The following UNC5D variants were observed in gnomAD, a reference collection of about 807,000 sequenced individuals.
UNC5D encodes the protein netrin receptor UNC5D.
A neutral mutation model predicts 105.4 loss-of-function variants in UNC5D; 39 were observed. That is an observed-to-expected ratio of 0.37 (90% confidence interval 0.29 to 0.48). UNC5D has a LOEUF of 0.48. Ranked by LOEUF, UNC5D falls within the 20% of genes least tolerant of loss-of-function variation. The pLI is 0.98. For missense variants in UNC5D, 991 were observed against 1,202.4 expected (o/e 0.82, Z 2.60); for synonymous variants, 452 against 450.4 (o/e 1.00, Z -0.04).
intron 16 of UNC5D, among the ~76,000 whole-genome samples, chr8:35,787,802 G>C (rs976032772): frequency 4.6e-5 from 7 of 152,064 alleles, no homozygotes; most frequent in African/African-American, 1.7e-4. Context: ...TTATTTTTGT[G>C]GAGACAGAAG....
At chr8:35,586,600 A>G (rs1337875455) in intron 3 of UNC5D, among the ~76,000 whole-genome samples, 1 of 152,082 alleles carries the variant, frequency 6.6e-6, no homozygotes, top group African/African-American at 2.4e-5. Flanking sequence ...GTAAGTTACA[A>G]TTTTCTTTTA....
intron 1 of UNC5D, among the ~76,000 whole-genome samples, chr8:35,504,695 G>C (rs1165987307): frequency 1.3e-5 from 2 of 152,156 alleles, no homozygotes; most frequent in Non-Finnish European, 2.9e-5. Flanking sequence ...ATTATCTGGG[G>C]AACAGTGTAG....
chr8:35,298,228 C>A (rs1807646708), intron 1 of UNC5D, among the ~76,000 whole-genome samples: 1 of 152,168 alleles, frequency 6.6e-6, no homozygotes. Flanking sequence ...GTCCCTGGCT[C>A]TTTCCAAGTT....
intron 1 of UNC5D, among the ~76,000 whole-genome samples, chr8:35,240,097 G>C (rs560208578): frequency 5.9e-5 from 9 of 151,920 alleles, no homozygotes; most frequent in African/African-American, 2.2e-4. Flanking sequence ...CATCACACCC[G>C]GCTCAGTAAT....
At chr8:35,360,880 G>A (rs1386380834) in intron 1 of UNC5D, among the ~76,000 whole-genome samples, 1 of 151,916 alleles carries the variant, frequency 6.6e-6, no homozygotes, top group Non-Finnish European at 1.5e-5. Context: ...TTTCTGCTTG[G>A]TTTCCCCAGA....
chr8:35,534,014 G>C (rs1393216648), intron 1 of UNC5D, among the ~76,000 whole-genome samples: 8 of 148,262 alleles, frequency 5.4e-5, no homozygotes, highest in Non-Finnish European at 1.2e-4. Context: ...CTTCTGCGTC[G>C]CTCACGCTGG....
At chr8:35,469,571 T>G (rs1443172862) in intron 1 of UNC5D, among the ~76,000 whole-genome samples, 2 of 152,212 alleles carry the variant, frequency 1.3e-5, no homozygotes, top group Admixed American at 6.5e-5. Flanking sequence ...CTTAATATAC[T>G]CTCTGTGCTT....
intron 1 of UNC5D, among the ~76,000 whole-genome samples, chr8:35,496,442 CAG>C (rs1811601542): frequency 6.6e-6 from 1 of 152,042 alleles, no homozygotes; most frequent in Non-Finnish European, 1.5e-5. Flanking sequence ...AAAGCTATCA[CAG>C]TGGCCAGGGA....
At chr8:35,302,438 T>G (rs1271578981) in intron 1 of UNC5D, among the ~76,000 whole-genome samples, 16 of 152,210 alleles carry the variant, frequency 1.1e-4, no homozygotes, top group Admixed American at 9.8e-4. Flanking sequence ...CATGGTTTCT[T>G]TTCCTCAGAT....
chr8:35,756,887 A>G (rs1031665435), intron 13 of UNC5D, among the ~76,000 whole-genome samples: 3 of 152,174 alleles, frequency 2.0e-5, no homozygotes, highest in Non-Finnish European at 2.9e-5. Flanking sequence ...CCATTAAGGA[A>G]AGTTAAATTT....
chr8:35,267,880 G>A (rs1477391057), intron 1 of UNC5D, among the ~76,000 whole-genome samples: 1 of 152,038 alleles, frequency 6.6e-6, no homozygotes, highest in Non-Finnish European at 1.5e-5. Flanking sequence ...CTTTTCTGTG[G>A]TGGCAAGTGA....
intron 1 of UNC5D, among the ~76,000 whole-genome samples, chr8:35,499,494 T>C (rs1041862742): frequency 6.6e-6 from 1 of 152,214 alleles, no homozygotes; most frequent in Non-Finnish European, 1.5e-5. Context: ...AGATCATTTG[T>C]TGGGGAAACT....
intron 4 of UNC5D, among the ~76,000 whole-genome samples, chr8:35,633,625 C>T (rs1382677504): frequency 6.6e-6 from 1 of 152,038 alleles, no homozygotes; most frequent in Non-Finnish European, 1.5e-5. Context: ...CATGGTGGCA[C>T]ATGCCTGTAA....
chr8:35,315,692 T>G (rs959993562), intron 1 of UNC5D, among the ~76,000 whole-genome samples: 1 of 152,182 alleles, frequency 6.6e-6, no homozygotes, highest in Non-Finnish European at 1.5e-5. Flanking sequence ...TTATTGCAAC[T>G]TAAAACATCT....
intron 1 of UNC5D, among the ~76,000 whole-genome samples, chr8:35,307,550 C>T (rs1042568895): frequency 6.6e-6 from 1 of 152,056 alleles, no homozygotes. Context: ...TGAGGAGAGG[C>T]TCAAGAAAGA....
intron 1 of UNC5D, among the ~76,000 whole-genome samples, chr8:35,387,877 T>C (rs2128938013): frequency 6.6e-6 from 1 of 152,298 alleles, no homozygotes; most frequent in Admixed American, 6.5e-5. Flanking sequence ...ATTTATTTAG[T>C]ATTATAGTGG....
Position 35,792,928 on chromosome 8 carries a change from T to C in UNC5D, c.*2365T>C, listed in dbSNP as rs1803106740. On this transcript the variant is annotated 3_prime_UTR_variant, in exon 17 of 17. Coordinates refer to ENST00000404895, the MANE Select transcript of UNC5D (RefSeq NM_080872.4). ...TAGATTATTTTAAGATGAGACAAGA[T>C]TATTGTCAATCCCTGAATGTCTGGA... 1 of 431,576 alleles carries C rather than the reference T, an allele frequency of 2.3e-6. No individual in the cohort carries two copies. Among genetic ancestry groups the C allele is most frequent in the Non-Finnish European group, 4.5e-6 (1 of 220,726 alleles). The allele number at this position is 431,576 out of a possible 1,614,324, so 26.7% of individuals were successfully genotyped here. A position where few individuals can be genotyped will look rare whatever the true frequency, so the allele number is the denominator to read the frequency against.
At chr8:35,291,568 A>G (rs1264971453) in intron 1 of UNC5D, among the ~76,000 whole-genome samples, 3 of 152,194 alleles carry the variant, frequency 2.0e-5, no homozygotes, top group African/African-American at 7.2e-5. Context: ...TGAAGATTTC[A>G]TTCTGGACTC....
intron 1 of UNC5D, among the ~76,000 whole-genome samples, chr8:35,265,752 C>T (rs907721958): frequency 2.6e-5 from 4 of 151,902 alleles, no homozygotes; most frequent in African/African-American, 9.7e-5. Flanking sequence ...CGCCTGTAGT[C>T]CCAGCTACTC....
Sources: gnomAD v4.1 joint callset for allele counts (sites outside exome capture counted in the v4.1 genomes callset) on GRCh38, gnomAD v4.1.1 for gene constraint, MANE v1.5 for transcripts, NCBI Gene and HGNC (gene_info 2026-07-23, HGNC 2026-07-21) for gene names.